PI16: variants seen among roughly 807,000 people sequenced by gnomAD.
PI16 encodes the protein peptidase inhibitor 16, also known as PSP94-binding protein.
PI16 carries 35 observed loss-of-function variants against 38.0 expected under a neutral mutation model. That is an observed-to-expected ratio of 0.92 (90% CI 0.70 to 1.22). PI16 has a LOEUF of 1.22. Among genes scored for constraint, PI16 ranks in the 50% most tolerant of loss-of-function variants. PI16 has a pLI of 0.00. For missense variants in PI16, 572 were observed against 593.8 expected (o/e 0.96, Z 0.38); for synonymous variants, 275 against 252.9 (o/e 1.09, Z -0.83).
At chr6:36,959,710 C>CA (rs1763304551) in intron 2 of PI16, among the ~76,000 whole-genome samples, 1 of 151,740 alleles carries the variant, frequency 6.6e-6, no homozygotes, top group Non-Finnish European at 1.5e-5. Context: ...CCTGTCCCTA[C>CA]AAAAAAATAC....
chr6:36,961,596 G>A, intron 3 of PI16, 36 bp downstream of exon 3: 2 of 1,587,610 alleles, frequency 1.3e-6, no homozygotes, highest in Non-Finnish European at 1.7e-6. Context: ...ATGGAGAGGG[G>A]GAAGGCACAG....
Position 36,961,931 on chromosome 6 carries a change from C to T in PI16, c.549C>T (p.Cys183=). 1 of 1,614,168 alleles carries T rather than the reference C, an allele frequency of 6.2e-7. No homozygotes were observed. The highest frequency in any genetic ancestry group is 1.1e-5 in the South Asian group (1 of 91,092). ...GGCCCTACCAGGAGGGGACTCCGTG[C>T]TCCCAATGTCCCTCTGGCTACCACT... ...GKRPYQEGTP[C]SQCPSGYHCK... is the part of the protein sequence containing the mutation. The change falls in exon 4 of 7, where the codon TGC becomes TGT. Residue 183 remains cysteine, a synonymous_variant. Transcript: ENST00000373674.
In PI16 at chr6:36,963,435, C is replaced by T. The variant is rs1763430152; in HGVS notation, c.1093C>T (p.Pro365Ser). The T allele has an allele frequency of 6.2e-7, 1 of 1,614,188 alleles. No individual in the cohort carries two copies. The highest frequency in any genetic ancestry group is 8.5e-7 in the Non-Finnish European group (1 of 1,180,048). ...GGCTGAGGCTGAGGCTGAGTTGCCT[C>T]CTTCCAGTGAGGTCTTGGCCTCAGT... is the stretch of plus-strand genomic sequence containing the variant. Reference protein sequence around the residue: ...EEAEAEAELPPSSEVLASVFP... With the variant: ...EEAEAEAELPSSSEVLASVFP... Residue 365 changes from proline to serine, a missense_variant, in exon 5 of 7, where the codon CCT becomes TCT. Coordinates refer to ENST00000373674, the MANE Select transcript of PI16 (RefSeq NM_153370.3).
At chr6:36,956,208 GCACTGCCGTT>G (rs1763202577) in intron 1 of PI16, among the ~76,000 whole-genome samples, 1 of 152,218 alleles carries the variant, frequency 6.6e-6, no homozygotes, top group Admixed American at 6.5e-5. Context: ...CACACACCCA[GCACTGCCGTT>G]CACAGCTGTG....
rs1004166378 is a variant in PI16, at chr6:36,962,555, C to A, written c.593-380C>A. The stretch of plus-strand genomic sequence containing the variant: ...TGGCTCGATCTCGGCTCACCTGCAA[C>A]CTCCGCCTCCCGGTTTGAAGCAATT... On this transcript the variant is annotated intron_variant, in intron 4 of 6. Coordinates refer to ENST00000373674, the MANE Select transcript of PI16 (RefSeq NM_153370.3). The surrounding 1 kb of genome is among the most constrained non-coding windows in gnomAD (Gnocchi z 4.1). Among the ~76,000 whole-genome samples, 2 of 152,084 alleles carry A rather than the reference C, an allele frequency of 1.3e-5. No individual in the cohort carries two copies. Among genetic ancestry groups the A allele is most frequent in the African/African-American group, 4.8e-5 (2 of 41,414 alleles).
At chr6:36,960,364 T>TGTGTGTGTG (rs1554141487) in intron 2 of PI16, among the ~76,000 whole-genome samples, 7 of 139,232 alleles carry the variant, frequency 5.0e-5, no homozygotes, top group East Asian at 2.1e-4. Context: ...TGTGTGTGTG[T>TGTGTGTGTG]AGGGGAATTA....
In PI16 at chr6:36,962,631, G is replaced by T. The variant is rs865928932; in HGVS notation, c.593-304G>T. Among the ~76,000 whole-genome samples the T allele has an allele frequency of 2.0e-5, 3 of 151,914 alleles. No individual in the cohort carries two copies. The highest frequency in any genetic ancestry group is 4.2e-4 in the South Asian group (2 of 4,816). ...TGGGACTACAGGCACGCGCCACCAC[G>T]CCTGGCTAATTTTGTATTTTTAGTA... On this transcript the variant is annotated intron_variant, in intron 4 of 6. Transcript: ENST00000373674. This position sits in a 1 kb window ranked among gnomAD's most constrained non-coding sequence, Gnocchi z 4.1.
At chr6:36,949,927 C>G (rs748247023), upstream of PI16, among the ~76,000 whole-genome samples, 89 of 151,752 alleles carry the variant, frequency 5.9e-4, 1 homozygote, top group Middle Eastern at 0.01. Context: ...CTCAAGTGGC[C>G]TGGGTTGTAA....
At chr6:36,955,893 C>T (rs1288257294) in intron 1 of PI16, among the ~76,000 whole-genome samples, 1 of 152,188 alleles carries the variant, frequency 6.6e-6, no homozygotes, top group Non-Finnish European at 1.5e-5. Context: ...CCTGCCCTCC[C>T]TGAGGGCTGA....
Position 36,954,832 on chromosome 6 carries a change from C to T in PI16, c.72C>T (p.Pro24=), listed in dbSNP as rs148879002. 113 of 1,614,174 alleles carry T rather than the reference C, an allele frequency of 7.0e-5. No individual in the cohort carries two copies. In the African/African-American group the frequency reaches 1.4e-3, roughly 19 times the overall value. ...LLLLLVATTG[P]VGALTDEEKR... is the part of the protein sequence containing the mutation. ...TACTGCTGGTGGCCACCACAGGCCC[C>T]GTTGGAGCCCTCACAGATGAGGAGA... Residue 24 remains proline (P), a synonymous_variant, in exon 1 of 7, where the codon CCC becomes CCT. Coordinates refer to ENST00000373674, the MANE Select transcript of PI16 (RefSeq NM_153370.3).
At chr6:36,961,762 C>T (rs563424500) in intron 3 of PI16, 124 bp from the exon 4 acceptor site, 50 of 975,208 alleles carry the variant, frequency 5.1e-5, no homozygotes, top group Admixed American at 7.6e-5. Flanking sequence ...GTTCGCCCAG[C>T]AAGTCAGTGG....
At position 36,954,825 on chromosome 6, in the gene PI16, C is replaced by G. The variant is rs779382265; in HGVS notation, c.65C>G (p.Thr22Arg). The change falls in exon 1 of 7, where the codon ACA becomes AGA. Residue 22 changes from threonine to arginine, a missense_variant. Physicochemically the swap from Thr to Arg is moderately conservative, Grantham distance 71. Coordinates refer to ENST00000373674, the MANE Select transcript of PI16 (RefSeq NM_153370.3). ...CTACTGCTACTGCTGGTGGCCACCA[C>G]AGGCCCCGTTGGAGCCCTCACAGAT... ...LPLLLLLVAT[T>R]GPVGALTDEE... 6.2e-7 allele frequency: 1 copy of G among 1,614,160 alleles called. No homozygotes were observed. Among genetic ancestry groups the G allele is most frequent in the Non-Finnish European group, 8.5e-7 (1 of 1,180,034 alleles).
In PI16 at chr6:36,959,176, A is replaced by G. The variant is rs113848006; in HGVS notation, c.203A>G (p.Lys68Arg). 8.5e-3 allele frequency: 13,657 copies of G among 1,610,708 alleles called. 130 individuals carry two copies. The highest frequency in any genetic ancestry group is 0.04 in the African/African-American group (2,980 of 75,016). The change falls in exon 2 of 7, where the codon AAG (lysine) becomes AGG (arginine). Residue 68 changes from lysine to arginine, a missense_variant. Transcript: ENST00000373674. ...RWDEELAAFAKAYARQCVWGH... is the reference protein window; with the variant it reads ...RWDEELAAFARAYARQCVWGH... ...GACGAGGAGCTGGCCGCCTTCGCCA[A>G]GGCCTACGCACGGCAGTGCGTGTGG...
rs557176082 is a variant in PI16 at position 36,954,981 on chromosome 6, A to G, written c.171+50A>G. ...GGCTGGGATGGAAGGGGTGCTGGCC[A>G]GGGTCTGTCACCAGGCTCTCTTACC... On this transcript the variant is annotated intron_variant, in intron 1 of 6. Transcript: ENST00000373674. 2.4e-4 allele frequency: 375 copies of G among 1,580,658 alleles called. 4 individuals carry two copies. In the South Asian group the frequency reaches 4.0e-3, roughly 17 times the overall value.
At chr6:36,957,526 C>T (rs118059999) in intron 1 of PI16, among the ~76,000 whole-genome samples, 1,923 of 152,276 alleles carry the variant, frequency 0.013, 23 homozygotes, top group Middle Eastern at 0.058. Context: ...TGTCCCAGGG[C>T]TGACACAATG....
upstream of PI16, chr6:36,954,649 C>T: frequency 6.7e-7 from 1 of 1,486,128 alleles, no homozygotes; most frequent in Non-Finnish European, 8.9e-7. Flanking sequence ...CGGGCTGGGC[C>T]TCAAACACGG....
chr6:36,963,788 C>T lies in PI16; in HGVS notation c.1271-35C>T. 2.6e-6 allele frequency: 4 copies of T among 1,555,212 alleles called. No individual in the cohort carries two copies. The South Asian group carries it at 4.9e-5, about 19-fold the overall frequency. On this transcript the variant is annotated intron_variant, in intron 5 of 6. Coordinates refer to ENST00000373674, the MANE Select transcript of PI16 (RefSeq NM_153370.3). ...TGGGCGGGACATCAGGCACAGCTGT[C>T]TCTAGGCTGAGGCAAAGCCTCTTTC...
chr6:36,959,370 T>A lies in PI16; in HGVS notation c.393+4T>A. 7 of 1,547,822 alleles carry A rather than the reference T, an allele frequency of 4.5e-6. No homozygotes were observed. The highest frequency in any genetic ancestry group is 5.2e-6 in the Non-Finnish European group (6 of 1,146,036). On this transcript the variant is annotated splice_donor_region_variant and intron_variant, in intron 2 of 6. Transcript: ENST00000373674. Reference sequence around the variant, plus strand: ...GATGTGCGGCCACTACACGCAGGTGTGGGCCCGGCGGGCGAGGCGGGGCGG... The same window carrying A: ...GATGTGCGGCCACTACACGCAGGTGAGGGCCCGGCGGGCGAGGCGGGGCGG...
Position 36,963,399 on chromosome 6 carries a change from G to A in PI16, c.1057G>A (p.Ala353Thr), listed in dbSNP as rs550782025. The A allele has an allele frequency of 1.2e-6, 2 of 1,614,164 alleles. No individual in the cohort carries two copies. ...LTGARELLPH[A>T]QEEAEAEAEL... is the part of the protein sequence containing the mutation. ...AGGGGCAAGGGAACTCCTACCCCAT[G>A]CCCAGGAGGAGGCTGAGGCTGAGGC... Residue 353 changes from alanine to threonine, a missense_variant, in exon 5 of 7, where the codon GCC becomes ACC. Physicochemically the swap from Ala to Thr is moderately conservative, Grantham distance 58. Coordinates refer to ENST00000373674, the MANE Select transcript of PI16 (RefSeq NM_153370.3).
Sources: gnomAD v4.1 joint callset for allele counts (sites outside exome capture counted in the v4.1 genomes callset) on GRCh38, gnomAD v4.1.1 for gene constraint, Gnocchi (gnomAD v3.1) non-coding constraint, MANE v1.5 for transcripts, NCBI Gene and HGNC (gene_info 2026-07-23, HGNC 2026-07-21) for gene names.